SLC35F3: variants seen among roughly 807,000 people sequenced by gnomAD.
SLC35F3 encodes putative thiamine transporter SLC35F3.
Under a neutral mutation model 49.9 loss-of-function variants are expected in SLC35F3, and 25 were observed. The observed-to-expected ratio is 0.50, with a 90% CI of 0.37 to 0.70. The LOEUF (loss-of-function observed/expected upper bound fraction) is 0.70, where lower values mean the gene tolerates loss of function less well. Among genes scored for constraint, SLC35F3 ranks in the 30% least tolerant of loss-of-function variants. The pLI is 0.00. For missense variants in SLC35F3, 525 were observed against 639.8 expected, an observed-to-expected ratio of 0.82 and a Z score of 1.94; for synonymous variants, 275 against 265.4, an observed-to-expected ratio of 1.04 and a Z score of -0.35.
chr1:234,186,109 C>T (rs16842748), intron 2 of SLC35F3, among the ~76,000 whole-genome samples: 3,178 of 152,242 alleles, frequency 0.021, 122 homozygotes, highest in African/African-American at 0.072. Flanking sequence ...TCAGCTGCAG[C>T]GAATGTTCTT....
At chr1:234,035,141 G>C (rs1458587) in intron 2 of SLC35F3, among the ~76,000 whole-genome samples, 2 of 152,094 alleles carry the variant, frequency 1.3e-5, no homozygotes, top group East Asian at 3.9e-4. Flanking sequence ...TTCTGGGATT[G>C]TTCCCTTATT....
At chr1:234,274,265 A>T (rs971022347) in intron 3 of SLC35F3, 1 of 152,236 alleles carries the variant, frequency 6.6e-6, no homozygotes, top group Non-Finnish European at 1.5e-5. Context: ...CAGTCTGTGT[A>T]TTCAGCGTCA....
chr1:233,979,571 A>G (rs1265992011), intron 2 of SLC35F3, among the ~76,000 whole-genome samples: 3 of 152,176 alleles, frequency 2.0e-5, no homozygotes, highest in Admixed American at 1.3e-4. Flanking sequence ...GTGGATAGAT[A>G]TATTGCCTCG....
chr1:234,170,311 CGT>C (rs111945515), intron 2 of SLC35F3, among the ~76,000 whole-genome samples: 7 of 152,256 alleles, frequency 4.6e-5, no homozygotes, highest in African/African-American at 1.7e-4. Context: ...ACCACTTACT[CGT>C]ATGGAAAGGA....
chr1:234,291,333 C>T (rs1654145985), intron 3 of SLC35F3, among the ~76,000 whole-genome samples: 1 of 152,166 alleles, frequency 6.6e-6, no homozygotes, highest in African/African-American at 2.4e-5. Flanking sequence ...AACAAGTTCC[C>T]AGGCAGAGCT....
intron 2 of SLC35F3, among the ~76,000 whole-genome samples, chr1:234,128,584 G>T (rs1665684511): frequency 6.6e-6 from 1 of 152,194 alleles, no homozygotes; most frequent in Non-Finnish European, 1.5e-5. Flanking sequence ...AGCTGAGACT[G>T]AATTCAGTGA....
At chr1:234,130,642 CAAA>C (rs35859323) in intron 2 of SLC35F3, among the ~76,000 whole-genome samples, 1 of 125,826 alleles carries the variant, frequency 7.9e-6, no homozygotes, top group Non-Finnish European at 1.7e-5. Context: ...GAGACTCTGT[CAAA>C]AAAAAAAAAA....
chr1:234,211,443 G>T (rs1231941699), intron 2 of SLC35F3, among the ~76,000 whole-genome samples: 3 of 152,204 alleles, frequency 2.0e-5, no homozygotes, highest in Non-Finnish European at 4.4e-5. Context: ...AAAGCAGCTG[G>T]GAGGGAGGCT....
At chr1:234,273,684 C>G (rs529661392) in intron 3 of SLC35F3, among the ~76,000 whole-genome samples, 1 of 152,170 alleles carries the variant, frequency 6.6e-6, no homozygotes, top group Non-Finnish European at 1.5e-5. Context: ...TGCTACAATT[C>G]ATCATGCACA....
At chr1:233,996,915 G>A (rs1474419042) in intron 2 of SLC35F3, among the ~76,000 whole-genome samples, 6 of 151,116 alleles carry the variant, frequency 4.0e-5, no homozygotes, top group African/African-American at 7.4e-5. Flanking sequence ...GTGACCCTGT[G>A]ACCCCCCACC....
intron 2 of SLC35F3, among the ~76,000 whole-genome samples, chr1:234,230,529 A>G (rs370862226): frequency 1.3e-3 from 196 of 152,360 alleles, no homozygotes; most frequent in African/African-American, 4.5e-3. Context: ...TACACCCGAC[A>G]CAAGCTACAG....
At chr1:234,082,893 C>A (rs952827466) in intron 2 of SLC35F3, among the ~76,000 whole-genome samples, 1 of 152,158 alleles carries the variant, frequency 6.6e-6, no homozygotes, top group Admixed American at 6.5e-5. Flanking sequence ...ATTATGGGAG[C>A]CACATGGGAG....
At chr1:234,122,990 G>A (rs1176950998) in intron 2 of SLC35F3, among the ~76,000 whole-genome samples, 2 of 152,146 alleles carry the variant, frequency 1.3e-5, no homozygotes, top group African/African-American at 4.8e-5. Context: ...ACCCAGTAAT[G>A]GGATCGCTGG....
At chr1:234,139,074 A>G (rs1043185133) in intron 2 of SLC35F3, among the ~76,000 whole-genome samples, 7 of 152,208 alleles carry the variant, frequency 4.6e-5, no homozygotes, top group African/African-American at 1.4e-4. Flanking sequence ...GACTGTGGCT[A>G]CTGTTGACTT....
At position 234,278,143 on chromosome 1, in the gene SLC35F3, C is replaced by A. The variant is rs182947592; in HGVS notation, c.609-30958C>A. ...GGGGGTTGGAGGCTGCAGTGAGCCA[C>A]GATCACGCCACTGCACTCCAGTCTG... On this transcript the variant is annotated intron_variant, in intron 3 of 7. Transcript: ENST00000366618. 5.3e-5 allele frequency among the ~76,000 whole-genome samples: 8 copies of A among 151,680 alleles called. No homozygotes were observed. The South Asian group carries it at 1.7e-3, about 32-fold the overall frequency.
chr1:234,292,373 G>A (rs1454188128), intron 3 of SLC35F3, among the ~76,000 whole-genome samples: 4 of 152,214 alleles, frequency 2.6e-5, no homozygotes, highest in Admixed American at 2.6e-4. Flanking sequence ...TATGCCTAGT[G>A]TTCCATTATT....
chr1:234,123,444 C>T (rs1665604489), intron 2 of SLC35F3, among the ~76,000 whole-genome samples: 1 of 152,182 alleles, frequency 6.6e-6, no homozygotes, highest in South Asian at 2.1e-4. Flanking sequence ...CAATCTTACT[C>T]TATCGCTCAG....
chr1:233,998,852 C>A (rs1188497025), intron 2 of SLC35F3, among the ~76,000 whole-genome samples: 1 of 152,084 alleles, frequency 6.6e-6, no homozygotes, highest in Non-Finnish European at 1.5e-5. Flanking sequence ...CTTACGTGAT[C>A]ATTTTGGTAC....
At chr1:234,261,171 G>A (rs1044273714) in intron 3 of SLC35F3, among the ~76,000 whole-genome samples, 8 of 152,068 alleles carry the variant, frequency 5.3e-5, no homozygotes, top group African/African-American at 1.7e-4. Context: ...CCAAGAAAGG[G>A]TTCTTGGATC....
Sources: gnomAD v4.1 joint callset for allele counts (sites outside exome capture counted in the v4.1 genomes callset) on GRCh38, gnomAD v4.1.1 for gene constraint, MANE v1.5 for transcripts, NCBI Gene and HGNC (gene_info 2026-07-23, HGNC 2026-07-21) for gene names.